Variants in SPOCK3 observed in about 807,000 individuals in gnomAD.
The protein encoded by SPOCK3 is testican-3.
SPOCK3 carries 30 observed loss-of-function variants against 56.6 expected under a neutral mutation model. That is an observed-to-expected ratio of 0.53 (90% confidence interval 0.40 to 0.72). The LOEUF (loss-of-function observed/expected upper bound fraction) is 0.72, where lower values mean the gene tolerates loss of function less well. Ranked by LOEUF, SPOCK3 falls within the 30% of genes least tolerant of loss-of-function variation. The pLI is 0.00. For synonymous variants in SPOCK3, 196 were observed against 183.3 expected (o/e 1.07, Z -0.56); for missense variants, 527 against 530.0 (o/e 0.99, Z 0.06).
chr4:166,842,348 A>G, intron 6 of SPOCK3, among the ~76,000 whole-genome samples: 1 of 152,078 alleles, frequency 6.6e-6, no homozygotes, highest in East Asian at 1.9e-4. Flanking sequence ...TTTTACAGAG[A>G]GCTGATTGGT....
chr4:167,199,004 A>C (rs545076391), intron 2 of SPOCK3, among the ~76,000 whole-genome samples: 8 of 152,236 alleles, frequency 5.3e-5, no homozygotes, highest in African/African-American at 1.9e-4. Flanking sequence ...TGCATTGGCC[A>C]TAAGTATATT....
chr4:167,001,170 C>A (rs1462058280), intron 3 of SPOCK3, among the ~76,000 whole-genome samples: 8 of 152,070 alleles, frequency 5.3e-5, no homozygotes, highest in Admixed American at 5.2e-4. Context: ...AGTTTACAAC[C>A]AATATTTTTC....
chr4:167,147,533 C>T (rs1016234577), intron 2 of SPOCK3, among the ~76,000 whole-genome samples: 12 of 152,080 alleles, frequency 7.9e-5, no homozygotes, highest in Admixed American at 4.6e-4. Context: ...TGACACTGTT[C>T]GCAATAATGA....
intron 4 of SPOCK3, among the ~76,000 whole-genome samples, chr4:166,921,985 C>T (rs891114744): frequency 1.3e-5 from 2 of 152,132 alleles, no homozygotes; most frequent in African/African-American, 2.4e-5. Flanking sequence ...TGTTAGGAAC[C>T]GGGCTGCACA....
intron 6 of SPOCK3, among the ~76,000 whole-genome samples, chr4:166,815,641 T>C (rs12646607): frequency 0.37 from 56,764 of 151,702 alleles, 12,472 homozygotes; most frequent in East Asian, 0.74. Context: ...TTATCTGGGC[T>C]TGGTGGTGGG....
chr4:166,747,958 A>T (rs534227580), intron 8 of SPOCK3, among the ~76,000 whole-genome samples: 1 of 152,130 alleles, frequency 6.6e-6, no homozygotes, highest in African/African-American at 2.4e-5. Context: ...AAGGAGAACT[A>T]CAAACCACTG....
At chr4:167,109,993 G>A (rs1760762384) in intron 2 of SPOCK3, among the ~76,000 whole-genome samples, 1 of 151,864 alleles carries the variant, frequency 6.6e-6, no homozygotes, top group Non-Finnish European at 1.5e-5. Flanking sequence ...TTTTAGACTT[G>A]TAAACACACA....
intron 2 of SPOCK3, among the ~76,000 whole-genome samples, chr4:167,231,238 AAAAG>A (rs1737149115): frequency 6.6e-6 from 1 of 152,028 alleles, no homozygotes; most frequent in Non-Finnish European, 1.5e-5. Flanking sequence ...AATGTATTTC[AAAAG>A]AAAGAACAGT....
chr4:166,863,935 C>G (rs1323189012), intron 6 of SPOCK3, among the ~76,000 whole-genome samples: 17 of 152,064 alleles, frequency 1.1e-4, no homozygotes. Flanking sequence ...CCAAGCAGAA[C>G]TAATAGATAT....
At chr4:167,205,520 A>ATATATATTATTATATAATATATAT (rs1734176662) in intron 2 of SPOCK3, among the ~76,000 whole-genome samples, 1 of 59,296 alleles carries the variant, frequency 1.7e-5, no homozygotes, top group Admixed American at 3.4e-4. Flanking sequence ...AATATATATT[A>ATATATATTATTATATAATATATAT]TATATATTAT....
intron 3 of SPOCK3, among the ~76,000 whole-genome samples, chr4:167,059,206 G>C (rs570315884): frequency 5.1e-4 from 78 of 152,150 alleles, no homozygotes; most frequent in Non-Finnish European, 7.5e-4. Flanking sequence ...CCATCAGAGT[G>C]AACAGGCAAC....
At chr4:166,735,623 T>C (rs1277671577) in intron 10 of SPOCK3, among the ~76,000 whole-genome samples, 1 of 150,854 alleles carries the variant, frequency 6.6e-6, no homozygotes, top group African/African-American at 2.4e-5. Context: ...CCAGATAGAG[T>C]GGGAAGGAGC....
At chr4:167,157,554 G>A (rs969892290) in intron 2 of SPOCK3, among the ~76,000 whole-genome samples, 1 of 151,144 alleles carries the variant, frequency 6.6e-6, no homozygotes, top group African/African-American at 2.4e-5. Flanking sequence ...CTGGAAAAAT[G>A]TCACATATTA....
intron 6 of SPOCK3, among the ~76,000 whole-genome samples, chr4:166,878,337 G>A (rs1366002461): frequency 6.6e-6 from 1 of 151,876 alleles, no homozygotes; most frequent in Non-Finnish European, 1.5e-5. Flanking sequence ...AATAAATGAT[G>A]CATGTTTACT....
At chr4:166,922,433 G>T (rs1275829497) in intron 4 of SPOCK3, among the ~76,000 whole-genome samples, 2 of 152,072 alleles carry the variant, frequency 1.3e-5, no homozygotes, top group Non-Finnish European at 2.9e-5. Context: ...TGATGCCATT[G>T]GTTTGTAAAT....
At position 167,234,192 on chromosome 4, in the gene SPOCK3, C is replaced by T. The variant is rs762843127; in HGVS notation, c.1-19G>A. ...TGAGCATCTGGGAGAGGAGACACAA[C>T]GGGGGGTGGGGGGGCATGTCAGTGT... On this transcript the variant is annotated intron_variant, in intron 1 of 10. Transcript: ENST00000357545. 5.2e-6 allele frequency: 4 copies of T among 770,012 alleles called. No homozygotes were observed. Among genetic ancestry groups the T allele is most frequent in the Middle Eastern group, 2.5e-4 (1 of 3,968 alleles). The allele number at this position is 770,012 out of a possible 1,614,324, so 47.7% of individuals were successfully genotyped here.
chr4:166,769,201 G>C (rs1041462034), intron 7 of SPOCK3, among the ~76,000 whole-genome samples: 4 of 152,132 alleles, frequency 2.6e-5, no homozygotes, highest in African/African-American at 7.2e-5. Context: ...AAAGTTATTC[G>C]CTGTCCAGCT....
chr4:167,038,004 A>G (rs1752913846), intron 3 of SPOCK3, among the ~76,000 whole-genome samples: 1 of 152,202 alleles, frequency 6.6e-6, no homozygotes, highest in Non-Finnish European at 1.5e-5. Context: ...ATACACTATC[A>G]ACATGCGCAA....
At chr4:166,862,010 G>C (rs2126912477) in intron 6 of SPOCK3, among the ~76,000 whole-genome samples, 1 of 152,142 alleles carries the variant, frequency 6.6e-6, no homozygotes, top group Non-Finnish European at 1.5e-5. Context: ...TAGCAAATCT[G>C]AATGATGGCA....
Sources: allele counts gnomAD v4.1 joint callset (sites outside exome capture counted in the v4.1 genomes callset), GRCh38; gene constraint gnomAD v4.1.1; transcripts MANE v1.5; gene names NCBI Gene and HGNC (gene_info 2026-07-23, HGNC 2026-07-21).